Variants in ZNF724 observed in about 807,000 individuals in gnomAD.
ZNF724 encodes zinc finger protein 724.
In ZNF724, 14 loss-of-function variants were observed where a neutral mutation model predicts 29.3. That is an observed-to-expected ratio of 0.48 (90% CI 0.32 to 0.75). The LOEUF (loss-of-function observed/expected upper bound fraction) is 0.75, where lower values mean the gene tolerates loss of function less well. Ranked by LOEUF, ZNF724 falls within the 30% of genes least tolerant of loss-of-function variation. ZNF724 has a pLI of 0.04. For synonymous variants in ZNF724, 180 were observed against 193.6 expected (o/e 0.93, Z 0.58); for missense variants, 557 against 571.2 (o/e 0.98, Z 0.25).
intron 2 of ZNF724, 118 bp downstream of exon 2, chr19:23,232,049 T>C: frequency 1.1e-6 from 1 of 942,098 alleles, no homozygotes; most frequent in Admixed American, 2.2e-5. Context: ...CAAGATTTTC[T>C]TAGAAATAGA....
chr19:23,246,569 T>C (rs1232577948), intron 1 of ZNF724, among the ~76,000 whole-genome samples: 2 of 151,316 alleles, frequency 1.3e-5, no homozygotes. Flanking sequence ...AGAGGAGAAT[T>C]GCTTAAACCC....
At chr19:23,231,429 G>T in intron 2 of ZNF724, 68 bp from the exon 3 acceptor site, 1 of 1,055,684 alleles carries the variant, frequency 9.5e-7, no homozygotes, top group South Asian at 1.7e-5. Context: ...CAGTAAAAAG[G>T]GTGTAATTAA....
chr19:23,249,537 TA>T (rs1972310841), intron 1 of ZNF724, among the ~76,000 whole-genome samples: 2 of 152,100 alleles, frequency 1.3e-5, no homozygotes, highest in Non-Finnish European at 2.9e-5. Flanking sequence ...TAGCTGGGAT[TA>T]CAGGACCGCG....
At chr19:23,246,609 G>A (rs1007986759) in intron 1 of ZNF724, among the ~76,000 whole-genome samples, 5 of 151,510 alleles carry the variant, frequency 3.3e-5, no homozygotes. Context: ...AGCCAAGATC[G>A]CACCATTGCA....
rs1281813693 is a variant in ZNF724 at position 23,222,420 on chromosome 19, T to C, written c.1825A>G (p.Lys609Glu). Residue 609 changes from lysine to glutamate, a missense_variant, in exon 4 of 4, where the codon AAG becomes GAG. By Grantham distance (56) the Lys-to-Glu change is moderately conservative (BLOSUM62 1). Transcript: ENST00000418100. ...FNQCSNLTTH[K>E]KIHAVEKSDK ...GATTTTTCTACAGCATGAATTTTCT[T>C]GTGTGTAGTAAGGTTTGAGCATTGG... is the stretch of plus-strand genomic sequence containing the variant. 5.8e-6 allele frequency: 7 copies of C among 1,214,306 alleles called. No homozygotes were observed. The highest frequency in any genetic ancestry group is 8.5e-6 in the Non-Finnish European group (7 of 821,072). 75.2% of individuals were successfully genotyped at this position (1,214,306 alleles called of 1,614,324 possible).
At chr19:23,241,469 T>C (rs1475279076) in intron 1 of ZNF724, among the ~76,000 whole-genome samples, 1 of 152,076 alleles carries the variant, frequency 6.6e-6, no homozygotes, top group Non-Finnish European at 1.5e-5. Flanking sequence ...CTAATATCCT[T>C]GATGAACATT....
At chr19:23,243,039 CAAAAA>C (rs762188669) in intron 1 of ZNF724, among the ~76,000 whole-genome samples, 10 of 112,236 alleles carry the variant, frequency 8.9e-5, no homozygotes, top group South Asian at 5.6e-4. Flanking sequence ...AACTCCATCT[CAAAAA>C]AAAAAAAAAA....
chr19:23,247,758 G>A (rs995542323), intron 1 of ZNF724, among the ~76,000 whole-genome samples: 3 of 152,114 alleles, frequency 2.0e-5, no homozygotes, highest in South Asian at 2.1e-4. Context: ...GCGTCTGATC[G>A]CTGACCAGCA....
At chr19:23,239,390 T>A (rs982230847) in intron 1 of ZNF724, among the ~76,000 whole-genome samples, 21 of 152,168 alleles carry the variant, frequency 1.4e-4, no homozygotes, top group African/African-American at 4.8e-4. Context: ...CACAGCTTTG[T>A]AACGATATAA....
At chr19:23,226,606 G>T (rs771055993) in intron 3 of ZNF724, among the ~76,000 whole-genome samples, 1 of 152,120 alleles carries the variant, frequency 6.6e-6, no homozygotes, top group Non-Finnish European at 1.5e-5. Flanking sequence ...TAACAAAAGT[G>T]ATCTGAAAGG....
rs917444321 is a variant in ZNF724, at chr19:23,223,459, A to G, written c.786T>C (p.Ala262=). ...TAGTAAGGTGTGAGGATATGTTAAAAGCTTTTCCACATTCTTCACGTTTGT... is the reference window on the plus strand; with the variant it reads ...TAGTAAGGTGTGAGGATATGTTAAAGGCTTTTCCACATTCTTCACGTTTGT... ...KSYKREECGK[A]FNISSHLTTH... The change falls in exon 4 of 4, where the codon GCT becomes GCC. Residue 262 remains alanine (A), a synonymous_variant. Transcript: ENST00000418100. The G allele has an allele frequency of 2.6e-6, 2 of 763,150 alleles. No individual in the cohort carries two copies. Among genetic ancestry groups the G allele is most frequent in the Admixed American group, 1.8e-5 (1 of 56,110 alleles). 47.3% of individuals were successfully genotyped at this position (763,150 alleles called of 1,614,324 possible). A position where few individuals can be genotyped will look rare whatever the true frequency, so the allele number is the denominator to read the frequency against.
At chr19:23,248,786 A>ATCACCTGAGGTCAG in intron 1 of ZNF724, among the ~76,000 whole-genome samples, 2 of 151,952 alleles carry the variant, frequency 1.3e-5, no homozygotes, top group South Asian at 4.1e-4. Context: ...CCTGAGGTCA[A>ATCACCTGAGGTCAG]AAGGTCGAGA....
Position 23,223,095 on chromosome 19 carries a change from G to T in ZNF724, c.1150C>A (p.His384Asn). The stretch of plus-strand genomic sequence containing the variant: ...TTTTCTCCAGTATGAATTCTCTTAT[G>T]TTGAGTAAGAGTTGAGGACACGTTA... ...AFNVSSTLTQ[H>N]KRIHTGEKPY... The change falls in exon 4 of 4, where the codon CAT becomes AAT. Residue 384 changes from histidine (H) to asparagine (N), a missense_variant. By Grantham distance (68) the His-to-Asn change is moderately conservative. This residue lies in a region of ZNF724 where 362 missense variants were observed against 295.5 expected (regional missense o/e 1.22). Transcript: ENST00000418100. 1 of 1,259,284 alleles carries T rather than the reference G, an allele frequency of 7.9e-7. No homozygotes were observed. The highest frequency in any genetic ancestry group is 1.2e-6 in the Non-Finnish European group (1 of 857,634). 78.0% of individuals were successfully genotyped at this position (1,259,284 alleles called of 1,614,324 possible).
chr19:23,228,612 AGGCATGGCC>A (rs1971881034), intron 3 of ZNF724, among the ~76,000 whole-genome samples: 1 of 151,558 alleles, frequency 6.6e-6, no homozygotes, highest in South Asian at 2.1e-4. Context: ...AAAATTATCC[AGGCATGGCC>A]GGGCACGATG....
chr19:23,244,019 C>T (rs1972189739), intron 1 of ZNF724, among the ~76,000 whole-genome samples: 2 of 151,146 alleles, frequency 1.3e-5, no homozygotes, highest in South Asian at 4.2e-4. Context: ...CTACATCAAA[C>T]TTTCATGACA....
intron 1 of ZNF724, among the ~76,000 whole-genome samples, chr19:23,233,829 C>G (rs1433636850): frequency 6.6e-6 from 1 of 151,126 alleles, no homozygotes; most frequent in Non-Finnish European, 1.5e-5. Flanking sequence ...TTTCCTCTAT[C>G]TCCTCCTTCT....
rs1196940734 is a variant in ZNF724 at position 23,223,991 on chromosome 19, A to C, written c.254T>G (p.Leu85Arg). Residue 85 changes from leucine to arginine, a missense_variant, in exon 4 of 4, where the codon CTT (leucine) becomes CGT (arginine). Coordinates refer to ENST00000418100, the MANE Select transcript of ZNF724 (RefSeq NM_001355404.2). ...PGMCCYFAQD[L>R]RPEQSIKASL... The stretch of plus-strand genomic sequence containing the variant: ...AGCTTTTATGCTCTGCTCTGGCCGA[A>C]GGTCTTGGGCAAAATAACAACACAT... 1 of 686,150 alleles carries C rather than the reference A, an allele frequency of 1.5e-6. No individual in the cohort carries two copies. The highest frequency in any genetic ancestry group is 2.6e-6 in the Non-Finnish European group (1 of 379,836). 42.5% of individuals were successfully genotyped at this position (686,150 alleles called of 1,614,324 possible).
chr19:23,223,613 G>A lies in ZNF724; in HGVS notation c.632C>T (p.Ser211Leu), dbSNP rs374738788. The change falls in exon 4 of 4, where the codon TCA (serine) becomes TTA (leucine). Residue 211 changes from serine to leucine, a missense_variant. Ser to Leu is a moderately radical substitution (Grantham distance 145). Transcript: ENST00000418100. ...AATTCTCTTATGTTGAGAAAGGGTT[G>A]AGGACACATTAAAGGCCTTGCCACA... ...EECGKAFNVS[S>L]TLSQHKRIHT... 2.5e-4 allele frequency: 178 copies of A among 715,316 alleles called. 1 individual carries two copies. The East Asian group carries it at 3.6e-3, about 14-fold the overall frequency. The allele number at this position is 715,316 out of a possible 1,614,324, so 44.3% of individuals were successfully genotyped here.
chr19:23,244,471 G>A (rs1972201807), intron 1 of ZNF724, among the ~76,000 whole-genome samples: 1 of 152,116 alleles, frequency 6.6e-6, no homozygotes, highest in Non-Finnish European at 1.5e-5. Flanking sequence ...TTTCCTCTAA[G>A]TTTTCAGTCC....
Sources: gnomAD v4.1 joint callset for allele counts (sites outside exome capture counted in the v4.1 genomes callset) on GRCh38, gnomAD v4.1.1 for gene constraint, gnomAD v4.1.1 regional missense constraint, MANE v1.5 for transcripts, NCBI Gene and HGNC (gene_info 2026-07-23, HGNC 2026-07-21) for gene names.